TPP2: variants seen among roughly 807,000 people sequenced by gnomAD.
TPP2 encodes tripeptidyl-peptidase 2.
A neutral mutation model predicts 155.9 loss-of-function variants in TPP2; 34 were observed. That is an observed-to-expected ratio of 0.22 (90% CI 0.17 to 0.29). The LOEUF (loss-of-function observed/expected upper bound fraction) is 0.29. Ranked by LOEUF, TPP2 falls within the 10% of genes least tolerant of loss-of-function variation. The probability of loss-of-function intolerance (pLI) is 1.00; values close to 1 mark genes in which losing one functional copy is unlikely to be tolerated. For synonymous variants in TPP2, 510 were observed against 529.4 expected (o/e 0.96, Z 0.50); for missense variants, 1,028 against 1,522.3 (o/e 0.68, Z 5.40).
At chr13:102,617,090 A>G (rs925563681) in intron 4 of TPP2, among the ~76,000 whole-genome samples, 1 of 147,570 alleles carries the variant, frequency 6.8e-6, no homozygotes, top group Non-Finnish European at 1.5e-5. Context: ...TTTTTTTTGC[A>G]TTTTTAGTAG....
intron 1 of TPP2, among the ~76,000 whole-genome samples, chr13:102,599,971 TA>T (rs1879299406): frequency 7.5e-6 from 1 of 132,822 alleles, no homozygotes; most frequent in South Asian, 2.4e-4. Flanking sequence ...TTCACATTTC[TA>T]GAGTTAGATT....
intron 20 of TPP2, 101 bp downstream of exon 20, chr13:102,646,491 T>TA (rs1224674618): frequency 5.4e-6 from 4 of 743,670 alleles, no homozygotes; most frequent in East Asian, 3.2e-5. Context: ...ATGGTATATA[T>TA]AAAAAACAGA....
chr13:102,606,595 A>G (rs1317244385), intron 2 of TPP2, among the ~76,000 whole-genome samples: 3 of 152,218 alleles, frequency 2.0e-5, no homozygotes, highest in African/African-American at 7.2e-5. Flanking sequence ...CTTTCTTTTA[A>G]AGAACTCACC....
At chr13:102,609,589 G>A (rs548722884) in intron 2 of TPP2, among the ~76,000 whole-genome samples, 2 of 151,738 alleles carry the variant, frequency 1.3e-5, no homozygotes, top group Non-Finnish European at 2.9e-5. Flanking sequence ...TAGAGACAGG[G>A]TTTCACCATG....
At chr13:102,665,101 A>G (rs919633362) in intron 27 of TPP2, among the ~76,000 whole-genome samples, 176 bp downstream of exon 27, 8 of 152,164 alleles carry the variant, frequency 5.3e-5, no homozygotes, top group East Asian at 1.9e-4. Context: ...ATTTTGTCCA[A>G]TCTTTTTAAG....
chr13:102,610,524 C>T (rs771357786), intron 2 of TPP2, among the ~76,000 whole-genome samples: 2 of 152,312 alleles, frequency 1.3e-5, no homozygotes, highest in South Asian at 2.1e-4. Flanking sequence ...GCCACCGCGC[C>T]CAGCTGTCAT....
chr13:102,630,269 T>C (rs1296915076), intron 10 of TPP2, 74 bp downstream of exon 10: 2 of 1,114,630 alleles, frequency 1.8e-6, no homozygotes, highest in African/African-American at 3.2e-5. Context: ...GGCAGAGTTT[T>C]AGATAAGTTT....
intron 1 of TPP2, among the ~76,000 whole-genome samples, chr13:102,602,129 C>CT (rs1158742636): frequency 4.6e-5 from 7 of 152,246 alleles, no homozygotes; most frequent in Admixed American, 3.3e-4. Flanking sequence ...TACTGTATAT[C>CT]TTTCAAATTT....
intron 3 of TPP2, among the ~76,000 whole-genome samples, chr13:102,615,695 T>A (rs2139442275): frequency 6.6e-6 from 1 of 152,288 alleles, no homozygotes; most frequent in East Asian, 1.9e-4. Flanking sequence ...GCAGCTGTAG[T>A]CTTACTCTAG....
rs765774202 is a variant in TPP2 at position 102,649,103 on chromosome 13, C to T, written c.2825C>T (p.Pro942Leu). 4.8e-5 allele frequency: 77 copies of T among 1,612,640 alleles called. No homozygotes were observed. The highest frequency in any genetic ancestry group is 2.5e-5 in the Non-Finnish European group (30 of 1,179,594). ...GKKKSSNLTL[P>L]PKYNQPFFVT... Reference sequence around the variant, plus strand: ...AAGAAATCAAGCAATTTGACATTACCACCCAAATATAACCAGCCATTCTTT... The same window carrying T: ...AAGAAATCAAGCAATTTGACATTACTACCCAAATATAACCAGCCATTCTTT... The change falls in exon 22 of 30, where the codon CCA (proline) becomes CTA (leucine). Residue 942 changes from proline to leucine, a missense_variant. By Grantham distance (98) the Pro-to-Leu change is moderately conservative. This residue lies in a region of TPP2 where 179 missense variants were observed against 274.7 expected (regional missense o/e 0.65). Coordinates refer to ENST00000376052, the MANE Select transcript of TPP2 (RefSeq NM_001330588.2).
At chr13:102,637,360 A>G (rs1882448434) in intron 14 of TPP2, 121 bp downstream of exon 14, 2 of 1,049,622 alleles carry the variant, frequency 1.9e-6, no homozygotes, top group African/African-American at 3.3e-5. Context: ...AGACCTATCC[A>G]TCTGCCAGGT....
At chr13:102,653,594 G>T (rs76866401) in intron 24 of TPP2, among the ~76,000 whole-genome samples, 2 of 152,062 alleles carry the variant, frequency 1.3e-5, no homozygotes, top group East Asian at 3.9e-4. Context: ...GTCTTACTAC[G>T]TATGTTGCCC....
chr13:102,647,816 A>G (rs887268211), intron 21 of TPP2, among the ~76,000 whole-genome samples: 2 of 152,228 alleles, frequency 1.3e-5, no homozygotes. Flanking sequence ...CACTTACTAC[A>G]TACCAGGCAC....
intron 27 of TPP2, among the ~76,000 whole-genome samples, chr13:102,666,921 G>A (rs907951845): frequency 2.0e-5 from 3 of 151,964 alleles, no homozygotes; most frequent in Non-Finnish European, 2.9e-5. Flanking sequence ...AGTTTTTAGC[G>A]ACACTGGGTC....
rs746606393 is a variant in TPP2, at chr13:102,597,145, G to C, written c.107G>C (p.Arg36Pro). 35 of 1,606,744 alleles carry C rather than the reference G, an allele frequency of 2.2e-5. No individual in the cohort carries two copies. The highest frequency in any genetic ancestry group is 5.9e-6 in the Non-Finnish European group (7 of 1,177,200). ...TGCCGCTACCCGGAGTATGATGGGC[G>C]GGGGGTGCTCATCGCAGTCCTGGAC... ...FLCRYPEYDG[R>P]GVLIAVLDTG... Residue 36 changes from arginine to proline, a missense_variant, in exon 1 of 30, where the codon CGG becomes CCG. Around this residue, in one of 7 missense-constraint regions of TPP2, gnomAD observed 300 missense variants for 398.3 expected, o/e 0.75. Coordinates refer to ENST00000376052, the MANE Select transcript of TPP2 (RefSeq NM_001330588.2).
Position 102,612,783 on chromosome 13 carries a change from T to G in TPP2, c.295-1318T>G, listed in dbSNP as rs1251291568. The stretch of plus-strand genomic sequence containing the variant: ...ATTAAATTATGTCTATTGGATTGTT[T>G]TTATTGTACTTTATGTTTTTTTAAG... On this transcript the variant is annotated intron_variant, in intron 2 of 29. Coordinates refer to ENST00000376052, the MANE Select transcript of TPP2 (RefSeq NM_001330588.2). Among the ~76,000 whole-genome samples, 6 of 152,340 alleles carry G rather than the reference T, an allele frequency of 3.9e-5. No homozygotes were observed. In the East Asian group the frequency reaches 7.7e-4, roughly 20 times the overall value.
chr13:102,633,280 G>A (rs1882141988), intron 10 of TPP2, among the ~76,000 whole-genome samples: 2 of 152,304 alleles, frequency 1.3e-5, no homozygotes, highest in East Asian at 1.9e-4. Context: ...TTAGACTTCA[G>A]CTGTCCAGTA....
intron 6 of TPP2, among the ~76,000 whole-genome samples, chr13:102,624,038 G>T (rs186920914): frequency 6.6e-6 from 1 of 152,140 alleles, no homozygotes; most frequent in African/African-American, 2.4e-5. Context: ...TGGATACAGA[G>T]GGCCGAATGT....
At chr13:102,651,236 C>T (rs1883468073) in intron 23 of TPP2, 123 bp from the exon 24 acceptor site, 2 of 1,018,392 alleles carry the variant, frequency 2.0e-6, no homozygotes, top group Non-Finnish European at 2.8e-6. Context: ...AATCACAGAC[C>T]TGAGCCTTCT....
Sources: gnomAD v4.1 joint callset for allele counts (sites outside exome capture counted in the v4.1 genomes callset) on GRCh38, gnomAD v4.1.1 for gene constraint, gnomAD v4.1.1 regional missense constraint, MANE v1.5 for transcripts, NCBI Gene and HGNC (gene_info 2026-07-23, HGNC 2026-07-21) for gene names.